ARFIP1: variants seen among roughly 807,000 people sequenced by gnomAD.
The protein encoded by ARFIP1 is arfaptin-1.
Under a neutral mutation model 42.5 loss-of-function variants are expected in ARFIP1, and 24 were observed. The ratio of observed to expected loss-of-function variants is 0.57; its 90% CI spans 0.41 to 0.80. The LOEUF is 0.80. Among genes scored for constraint, ARFIP1 ranks in the 30% least tolerant of loss-of-function variants. The pLI is 0.00. For missense variants in ARFIP1, 354 were observed against 434.0 expected, an observed-to-expected ratio of 0.82 and a Z score of 1.64; for synonymous variants, 141 against 153.7, an observed-to-expected ratio of 0.92 and a Z score of 0.61.
chr4:152,899,059 A>G (rs184748138), intron 8 of ARFIP1, among the ~76,000 whole-genome samples: 37 of 152,286 alleles, frequency 2.4e-4, no homozygotes, highest in Non-Finnish European at 4.4e-4. Context: ...CACTTACCAG[A>G]TAGCTCCAGC....
At chr4:152,858,509 A>G (rs1733620972) in intron 2 of ARFIP1, among the ~76,000 whole-genome samples, 1 of 152,200 alleles carries the variant, frequency 6.6e-6, no homozygotes, top group Non-Finnish European at 1.5e-5. Context: ...CTCTGACCAA[A>G]AAGTCTAATG....
intron 1 of ARFIP1, among the ~76,000 whole-genome samples, chr4:152,819,387 A>C (rs377597213): frequency 1.1e-4 from 17 of 152,168 alleles, no homozygotes; most frequent in African/African-American, 3.9e-4. Flanking sequence ...CAACACACTA[A>C]GGCTCTTTAC....
chr4:152,844,055 T>A (rs1732339022), intron 2 of ARFIP1, among the ~76,000 whole-genome samples: 1 of 152,210 alleles, frequency 6.6e-6, no homozygotes. Context: ...CAGGCAGGAA[T>A]GGCCTGCTAG....
At chr4:152,859,059 TTTTTTG>T (rs1197505772) in intron 2 of ARFIP1, among the ~76,000 whole-genome samples, 1 of 152,058 alleles carries the variant, frequency 6.6e-6, no homozygotes, top group Admixed American at 6.6e-5. Context: ...CTCTTTTTTG[TTTTTTG>T]TTTTTGTTTT....
chr4:152,905,646 G>A (rs1738293077), intron 8 of ARFIP1, among the ~76,000 whole-genome samples: 2 of 136,448 alleles, frequency 1.5e-5, no homozygotes, highest in Admixed American at 1.7e-4. Flanking sequence ...TCCACCTCCC[G>A]GGTTCAAGCG....
intron 7 of ARFIP1, among the ~76,000 whole-genome samples, chr4:152,886,319 C>A (rs1184102684): frequency 1.3e-5 from 2 of 151,964 alleles, no homozygotes; most frequent in Non-Finnish European, 2.9e-5. Flanking sequence ...ATTACTTCTC[C>A]TACTGGATTA....
chr4:152,878,275 G>A lies in ARFIP1; in HGVS notation c.412-2688G>A, dbSNP rs1354563247. Among the ~76,000 whole-genome samples the A allele has an allele frequency of 4.6e-5, 7 of 152,174 alleles. No individual in the cohort carries two copies. The East Asian group carries it at 1.2e-3, about 25-fold the overall frequency. ...TGATCTCCATTTTCAGGGACTCTGA[G>A]GAAGGTTAAATAATTTAGATTGTTA... On this transcript the variant is annotated intron_variant, in intron 5 of 8. Transcript: ENST00000353617.
At chr4:152,822,734 A>G (rs1457231657) in intron 1 of ARFIP1, among the ~76,000 whole-genome samples, 4 of 152,222 alleles carry the variant, frequency 2.6e-5, no homozygotes, top group Non-Finnish European at 4.4e-5. Context: ...ACAGCAGAAT[A>G]AAACTGGAAC....
At chr4:152,793,833 TC>T (rs1418542474) in intron 1 of ARFIP1, among the ~76,000 whole-genome samples, 1 of 152,126 alleles carries the variant, frequency 6.6e-6, no homozygotes, top group Non-Finnish European at 1.5e-5. Flanking sequence ...AAATGATAAC[TC>T]CTATTTCACA....
chr4:152,803,673 A>G (rs902929050), intron 1 of ARFIP1, among the ~76,000 whole-genome samples: 2 of 151,974 alleles, frequency 1.3e-5, no homozygotes, highest in African/African-American at 4.8e-5. Context: ...TGGCACTCCT[A>G]ATTTCCAGGT....
rs753525115 is a variant in ARFIP1, at chr4:152,867,532, C to CGGGAGAG, written c.203-3204_203-3198dup. On this transcript the variant is annotated intron_variant, in intron 3 of 8. Transcript: ENST00000353617. ...CGTGGGGAGAGGGAGAGAGGTGAGA[C>CGGGAGAG]GGGAGAGGGGAGAGGGGAGAGGGTC... Among the ~76,000 whole-genome samples, 209 of 151,612 alleles carry CGGGAGAG rather than the reference C, an allele frequency of 1.4e-3. 1 individual carries two copies. The highest frequency in any genetic ancestry group is 4.5e-3 in the African/African-American group (185 of 41,330).
intron 1 of ARFIP1, among the ~76,000 whole-genome samples, chr4:152,805,396 C>T (rs62319864): frequency 0.043 from 6,608 of 152,284 alleles, 179 homozygotes; most frequent in South Asian, 0.11. Context: ...AATATTGATC[C>T]AAATCATGGT....
At chr4:152,883,358 C>T (rs1736002492) in intron 7 of ARFIP1, 1 of 152,232 alleles carries the variant, frequency 6.6e-6, no homozygotes, top group Admixed American at 6.6e-5. Context: ...CTAAATTTAC[C>T]TTTCATCCTT....
At chr4:152,809,201 A>C (rs1304593421) in intron 1 of ARFIP1, among the ~76,000 whole-genome samples, 2 of 152,194 alleles carry the variant, frequency 1.3e-5, no homozygotes, top group Non-Finnish European at 2.9e-5. Context: ...GCATGCTTAT[A>C]GCACTGGTTC....
chr4:152,815,288 G>A (rs762554191), intron 1 of ARFIP1, among the ~76,000 whole-genome samples: 8 of 152,076 alleles, frequency 5.3e-5, no homozygotes, highest in Non-Finnish European at 7.4e-5. Context: ...CAGCAAAATT[G>A]AGTAGTTGCA....
chr4:152,800,462 A>G (rs929479865), intron 1 of ARFIP1, among the ~76,000 whole-genome samples: 1 of 152,212 alleles, frequency 6.6e-6, no homozygotes, highest in African/African-American at 2.4e-5. Context: ...CCTCAATGAA[A>G]GAAAAGATGA....
At chr4:152,878,267 G>T in intron 5 of ARFIP1, among the ~76,000 whole-genome samples, 1 of 152,172 alleles carries the variant, frequency 6.6e-6, no homozygotes, top group East Asian at 1.9e-4. Flanking sequence ...CATTTTCAGG[G>T]ACTCTGAGGA....
intron 5 of ARFIP1, among the ~76,000 whole-genome samples, chr4:152,873,880 C>T (rs1735101788): frequency 2.6e-5 from 4 of 152,210 alleles, no homozygotes; most frequent in Admixed American, 2.6e-4. Flanking sequence ...CCCACTCTGT[C>T]TCTGCCTCTT....
intron 8 of ARFIP1, among the ~76,000 whole-genome samples, chr4:152,894,139 C>T (rs1437575420): frequency 1.3e-5 from 2 of 148,348 alleles, no homozygotes; most frequent in South Asian, 2.1e-4. Context: ...ACCTGGGAGG[C>T]GGAGGTTGCA....
Sources: gnomAD v4.1 joint callset for allele counts (sites outside exome capture counted in the v4.1 genomes callset) on GRCh38, gnomAD v4.1.1 for gene constraint, MANE v1.5 for transcripts, NCBI Gene and HGNC (gene_info 2026-07-23, HGNC 2026-07-21) for gene names.